Variants in PHF21A observed in about 807,000 individuals in gnomAD.
PHF21A encodes the protein BHC80a.
In PHF21A, 11 loss-of-function variants were observed where a neutral mutation model predicts 82.5. The ratio of observed to expected loss-of-function variants is 0.13; its 90% CI spans 0.08 to 0.22. The LOEUF (loss-of-function observed/expected upper bound fraction) is 0.22, where lower values mean the gene tolerates loss of function less well. Among genes scored for constraint, PHF21A ranks in the 10% least tolerant of loss-of-function variants. The probability of loss-of-function intolerance (pLI) is 1.00; values close to 1 mark genes in which losing one functional copy is unlikely to be tolerated. For missense variants in PHF21A, 579 were observed against 837.8 expected (o/e 0.69, Z 3.81); for synonymous variants, 297 against 302.8 (o/e 0.98, Z 0.20).
chr11:46,037,188 C>T (rs2096023127), intron 6 of PHF21A, among the ~76,000 whole-genome samples: 1 of 152,120 alleles, frequency 6.6e-6, no homozygotes, highest in African/African-American at 2.4e-5. Context: ...CACATCCCTA[C>T]CAAAAAACTT....
intron 6 of PHF21A, among the ~76,000 whole-genome samples, chr11:46,007,520 C>T (rs1042966516): frequency 2.0e-5 from 3 of 151,940 alleles, no homozygotes; most frequent in African/African-American, 7.3e-5. Flanking sequence ...CACCCTGTTG[C>T]CCAGGCTGGT....
At chr11:45,934,335 G>A (rs2088258059) in intron 18 of PHF21A, 110 bp from the exon 19 acceptor site, 8 of 1,137,408 alleles carry the variant, frequency 7.0e-6, no homozygotes, top group Non-Finnish European at 8.8e-6. Context: ...AAGCTCTGCT[G>A]GCTGCTGTGC....
chr11:45,940,151 C>T (rs1478377187), intron 15 of PHF21A, among the ~76,000 whole-genome samples: 1 of 152,114 alleles, frequency 6.6e-6, no homozygotes. Context: ...AAAAAGGCTA[C>T]ACAAGTTTTA....
chr11:46,071,719 A>G lies in PHF21A; in HGVS notation c.153+5035T>C, dbSNP rs2096658370. On this transcript the variant is annotated intron_variant, in intron 6 of 18. Coordinates refer to ENST00000676320, the MANE Select transcript of PHF21A (RefSeq NM_001352027.3). ...ATAAAAGGGTATATCTATCAAAGCA[A>G]TATTGATAATAGCCAAAAAAAAAAA... 3.4e-5 allele frequency among the ~76,000 whole-genome samples: 3 copies of G among 87,908 alleles called. 1 individual carries two copies. In the South Asian group the frequency reaches 1.3e-3, roughly 39 times the overall value. The allele number at this position is 87,908 out of a possible 152,430, so 57.7% of individuals were successfully genotyped here.
intron 6 of PHF21A, among the ~76,000 whole-genome samples, chr11:46,035,072 G>A (rs1276843718): frequency 1.3e-5 from 2 of 152,090 alleles, no homozygotes; most frequent in Non-Finnish European, 2.9e-5. Flanking sequence ...CATTCCTGAG[G>A]GAATACTGTT....
At chr11:46,010,521 T>C (rs977006162) in intron 6 of PHF21A, among the ~76,000 whole-genome samples, 3 of 152,210 alleles carry the variant, frequency 2.0e-5, no homozygotes, top group South Asian at 2.1e-4. Context: ...CTTTACGACA[T>C]TGTTTGGGAA....
At chr11:46,110,810 G>A (rs555992072) in intron 1 of PHF21A, among the ~76,000 whole-genome samples, 2 of 146,406 alleles carry the variant, frequency 1.4e-5, no homozygotes, top group East Asian at 4.1e-4. Flanking sequence ...TTTTGAGACA[G>A]AGTCTTGCTC....
chr11:46,013,196 T>C (rs1454651841), intron 6 of PHF21A, among the ~76,000 whole-genome samples: 1 of 152,162 alleles, frequency 6.6e-6, no homozygotes, highest in Non-Finnish European at 1.5e-5. Flanking sequence ...CAATATTATA[T>C]ACTATAATAA....
chr11:46,063,920 A>G (rs901718470), intron 6 of PHF21A, among the ~76,000 whole-genome samples: 1 of 152,210 alleles, frequency 6.6e-6, no homozygotes. Flanking sequence ...GGATTAACTC[A>G]AAATCTTATG....
intron 3 of PHF21A, among the ~76,000 whole-genome samples, chr11:46,087,445 T>C (rs1261468183): frequency 6.6e-6 from 1 of 152,212 alleles, no homozygotes; most frequent in South Asian, 2.1e-4. Context: ...GGACTCTAAA[T>C]GCCAATTACT....
chr11:46,032,861 C>G (rs1183974570), intron 6 of PHF21A, among the ~76,000 whole-genome samples: 1 of 152,046 alleles, frequency 6.6e-6, no homozygotes, highest in Non-Finnish European at 1.5e-5. Flanking sequence ...ATGATTCATA[C>G]AAGAGTATAA....
intron 1 of PHF21A, chr11:46,116,516 G>A (rs2097291604): frequency 6.6e-6 from 1 of 150,794 alleles, no homozygotes; most frequent in African/African-American, 2.4e-5. Context: ...AAGAAAAACT[G>A]TAATAGGGGA....
intron 1 of PHF21A, among the ~76,000 whole-genome samples, chr11:46,100,696 T>G (rs2097083469): frequency 6.6e-6 from 1 of 152,148 alleles, no homozygotes; most frequent in Non-Finnish European, 1.5e-5. Context: ...CCCCATGCAT[T>G]GAGATGGAAT....
intron 6 of PHF21A, among the ~76,000 whole-genome samples, chr11:46,029,494 C>T (rs759468297): frequency 6.6e-6 from 1 of 152,124 alleles, no homozygotes; most frequent in Non-Finnish European, 1.5e-5. Flanking sequence ...TCAAGACCAG[C>T]CTGGGCAACA....
rs142204723 is a variant in PHF21A, at chr11:45,945,760, C to T, written c.1452+80G>A. ...CAGGGTTAGTCAAGAAGGTGCAAGT[C>T]GATAAGGAGACAACATATGATAACG... On this transcript the variant is annotated intron_variant, in intron 15 of 18. Coordinates refer to ENST00000676320, the MANE Select transcript of PHF21A (RefSeq NM_001352027.3). 128 of 1,212,966 alleles carry T rather than the reference C, an allele frequency of 1.1e-4. No homozygotes were observed. In the East Asian group the frequency reaches 2.4e-3, roughly 22 times the overall value. The allele number at this position is 1,212,966 out of a possible 1,614,324, so 75.1% of individuals were successfully genotyped here.
chr11:45,936,818 C>CTGAGCATTCCTATCT, intron 16 of PHF21A: 1 of 429,888 alleles, frequency 2.3e-6, no homozygotes, highest in Non-Finnish European at 4.2e-6. Context: ...TGGGACTTGG[C>CTGAGCATTCCTATCT]TGAGCATTCC....
intron 6 of PHF21A, among the ~76,000 whole-genome samples, chr11:46,052,267 C>T (rs535392269): frequency 6.6e-6 from 1 of 152,324 alleles, no homozygotes; most frequent in South Asian, 2.1e-4. Flanking sequence ...CAACCTCTGC[C>T]AGTACAGGAC....
intron 6 of PHF21A, among the ~76,000 whole-genome samples, chr11:45,996,597 C>T (rs1195961257): frequency 6.6e-6 from 1 of 152,162 alleles, no homozygotes; most frequent in Non-Finnish European, 1.5e-5. Flanking sequence ...TCTCCATATG[C>T]ACAAAGGTAG....
At chr11:46,057,605 T>C (rs2096478547) in intron 6 of PHF21A, among the ~76,000 whole-genome samples, 1 of 152,132 alleles carries the variant, frequency 6.6e-6, no homozygotes, top group South Asian at 2.1e-4. Context: ...TCATCTATAA[T>C]ATGACTCAAG....
Sources: allele counts gnomAD v4.1 joint callset (sites outside exome capture counted in the v4.1 genomes callset), GRCh38; gene constraint gnomAD v4.1.1; transcripts MANE v1.5; gene names NCBI Gene and HGNC (gene_info 2026-07-23, HGNC 2026-07-21).